The following HMCN1 variants were observed in gnomAD, a reference collection of about 807,000 sequenced individuals.
HMCN1 encodes hemicentin-1.
HMCN1 carries 321 observed loss-of-function variants against 625.9 expected under a neutral mutation model. The ratio of observed to expected loss-of-function variants is 0.51; its 90% CI spans 0.47 to 0.56. The LOEUF is 0.56. HMCN1 is among the 20% of genes least tolerant of loss of function. HMCN1 has a pLI of 0.00. For synonymous variants in HMCN1, 2,425 were observed against 2,417.6 expected (o/e 1.00, Z -0.09); for missense variants, 6,588 against 6,887.3 (o/e 0.96, Z 1.54).
chr1:186,052,922 T>G (rs572026408), intron 42 of HMCN1, 30 bp from the exon 43 acceptor site: 6 of 1,558,668 alleles, frequency 3.8e-6, no homozygotes, highest in Non-Finnish European at 3.5e-6. Context: ...ATGAAATGAG[T>G]GGAAAAATCA....
chr1:186,032,285 C>T (rs986035272), intron 36 of HMCN1, among the ~76,000 whole-genome samples: 7 of 152,108 alleles, frequency 4.6e-5, no homozygotes, highest in Non-Finnish European at 4.4e-5. Flanking sequence ...GATATACAAG[C>T]AGCCAACCTA....
intron 1 of HMCN1, among the ~76,000 whole-genome samples, chr1:185,796,589 A>G (rs1483915940): frequency 6.6e-6 from 1 of 152,160 alleles, no homozygotes; most frequent in Admixed American, 6.5e-5. Context: ...GCCACAAAAG[A>G]CATAATTTAA....
At chr1:185,876,278 G>A (rs1032952971) in intron 4 of HMCN1, among the ~76,000 whole-genome samples, 5 of 152,020 alleles carry the variant, frequency 3.3e-5, no homozygotes, top group Non-Finnish European at 5.9e-5. Flanking sequence ...GTATTCTATA[G>A]TGTATATACA....
chr1:185,888,644 C>CT (rs1470000365), intron 4 of HMCN1, among the ~76,000 whole-genome samples: 1 of 147,352 alleles, frequency 6.8e-6, no homozygotes, highest in Non-Finnish European at 1.5e-5. Context: ...TTTCTGAGGG[C>CT]TCTGTTGTGT....
At chr1:185,838,068 G>C (rs1316416571) in intron 1 of HMCN1, among the ~76,000 whole-genome samples, 1 of 152,136 alleles carries the variant, frequency 6.6e-6, no homozygotes, top group East Asian at 1.9e-4. Context: ...ATACTTCTTA[G>C]GCAAATACAG....
intron 76 of HMCN1, 84 bp downstream of exon 76, chr1:186,117,199 CT>C (rs878963318): frequency 0.012 from 13,914 of 1,205,224 alleles, 17 homozygotes; most frequent in African/African-American, 0.021. Context: ...GATCCCTTTT[CT>C]TTTTTTTTTT....
At chr1:186,152,965 G>A in intron 96 of HMCN1, 94 bp downstream of exon 96, 1 of 1,487,310 alleles carries the variant, frequency 6.7e-7, no homozygotes, top group Non-Finnish European at 9.4e-7. Context: ...TTCACTCTGT[G>A]GGGGAAAATG....
At chr1:186,039,200 G>T (rs574549170) in intron 38 of HMCN1, among the ~76,000 whole-genome samples, 195 bp downstream of exon 38, 5 of 152,238 alleles carry the variant, frequency 3.3e-5, no homozygotes, top group African/African-American at 7.2e-5. Context: ...ACATGCTGTT[G>T]ACTTAAGTTT....
At chr1:185,798,483 TTTC>T (rs1658558004) in intron 1 of HMCN1, among the ~76,000 whole-genome samples, 1 of 152,194 alleles carries the variant, frequency 6.6e-6, no homozygotes, top group South Asian at 2.1e-4. Context: ...AACTCTAGTT[TTTC>T]TTCTCCCTCA....
chr1:185,805,397 T>C (rs1200940647), intron 1 of HMCN1, among the ~76,000 whole-genome samples: 1 of 152,136 alleles, frequency 6.6e-6, no homozygotes, highest in African/African-American at 2.4e-5. Flanking sequence ...ATATCTTCCC[T>C]CTGAAAATAG....
At chr1:186,137,248 A>C (rs1649663084) in intron 87 of HMCN1, among the ~76,000 whole-genome samples, 1 of 152,170 alleles carries the variant, frequency 6.6e-6, no homozygotes, top group Non-Finnish European at 1.5e-5. Context: ...ACAGTTTGTA[A>C]ACTTGTTGGT....
intron 4 of HMCN1, among the ~76,000 whole-genome samples, chr1:185,877,016 G>C (rs1663982669): frequency 1.3e-5 from 2 of 151,798 alleles, no homozygotes; most frequent in South Asian, 4.1e-4. Context: ...TCCTAAGTTT[G>C]CTTCTAGAAT....
chr1:185,830,638 C>G (rs2102288254), intron 1 of HMCN1, among the ~76,000 whole-genome samples: 1 of 152,010 alleles, frequency 6.6e-6, no homozygotes, highest in Non-Finnish European at 1.5e-5. Flanking sequence ...TTTTGTGTAA[C>G]CCCAGCACTT....
At chr1:185,771,953 T>C (rs531391783) in intron 1 of HMCN1, among the ~76,000 whole-genome samples, 1 of 152,088 alleles carries the variant, frequency 6.6e-6, no homozygotes, top group South Asian at 2.1e-4. Context: ...ATGGGGAGAA[T>C]AGAAGTAACC....
chr1:185,883,873 G>T (rs1664458682), intron 4 of HMCN1, among the ~76,000 whole-genome samples: 1 of 134,530 alleles, frequency 7.4e-6, no homozygotes, highest in African/African-American at 2.8e-5. Context: ...ATAGATATAG[G>T]TCATGATTTT....
chr1:186,038,532 CAT>C (rs929419766), intron 37 of HMCN1, among the ~76,000 whole-genome samples: 2 of 151,940 alleles, frequency 1.3e-5, no homozygotes, highest in Non-Finnish European at 2.9e-5. Flanking sequence ...TGAGAGGAAA[CAT>C]ACAACAAAAA....
In HMCN1 at chr1:186,115,320, C is replaced by T. The variant is rs1158812438; in HGVS notation, c.11467C>T (p.Leu3823=). ...TGTAATAGTAAATGTTCAAACTACTCTGGCTTGTGAGGCTACTGGGATACC... is the reference window on the plus strand; with the variant it reads ...TGTAATAGTAAATGTTCAAACTACTTTGGCTTGTGAGGCTACTGGGATACC... The part of the protein sequence containing the change: ...MTVIVNVQTT[L]ACEATGIPKP... Residue 3823 remains leucine, a synonymous_variant, in exon 75 of 107, where the codon CTG becomes TTG. Transcript: ENST00000271588. 9 of 1,613,888 alleles carry T rather than the reference C, an allele frequency of 5.6e-6. No individual in the cohort carries two copies. The highest frequency in any genetic ancestry group is 7.6e-6 in the Non-Finnish European group (9 of 1,179,952).
chr1:185,772,995 A>G (rs926813862), intron 1 of HMCN1, among the ~76,000 whole-genome samples: 1 of 152,098 alleles, frequency 6.6e-6, no homozygotes, highest in Non-Finnish European at 1.5e-5. Context: ...TACCTCCCCA[A>G]AAGCCCCACC....
At chr1:185,742,699 C>T (rs1426492884) in intron 1 of HMCN1, among the ~76,000 whole-genome samples, 6 of 152,068 alleles carry the variant, frequency 3.9e-5, no homozygotes, top group Non-Finnish European at 8.8e-5. Flanking sequence ...CTCTTATGTC[C>T]AAGAGAAATT....
Sources: allele counts gnomAD v4.1 joint callset (sites outside exome capture counted in the v4.1 genomes callset), GRCh38; gene constraint gnomAD v4.1.1; transcripts MANE v1.5; gene names NCBI Gene and HGNC (gene_info 2026-07-23, HGNC 2026-07-21).